ITIH5: variants seen among roughly 807,000 people sequenced by gnomAD.
ITIH5 encodes inter-alpha-trypsin inhibitor heavy chain H5.
ITIH5 carries 65 observed loss-of-function variants against 77.5 expected under a neutral mutation model. That is an observed-to-expected ratio of 0.84 (90% CI 0.69 to 1.03). The LOEUF (loss-of-function observed/expected upper bound fraction) is 1.03, where lower values mean the gene tolerates loss of function less well. Ranked by LOEUF, ITIH5 falls within the 50% of genes least tolerant of loss-of-function variation. ITIH5 has a pLI of 0.00. For missense variants in ITIH5, 1,208 were observed against 1,213.1 expected, an observed-to-expected ratio of 1.00 and a Z score of 0.06; for synonymous variants, 525 against 494.3, an observed-to-expected ratio of 1.06 and a Z score of -0.82.
chr10:7,592,869 A>G (rs1436310487), intron 7 of ITIH5, among the ~76,000 whole-genome samples: 1 of 152,136 alleles, frequency 6.6e-6, no homozygotes, highest in Non-Finnish European at 1.5e-5. Context: ...GGACAGCAGC[A>G]TGCAGTGGCG....
chr10:7,601,604 A>G (rs1442660955), intron 7 of ITIH5, among the ~76,000 whole-genome samples: 2 of 152,154 alleles, frequency 1.3e-5, no homozygotes, highest in East Asian at 3.9e-4. Context: ...CATATCGCCA[A>G]CCTCTGCATG....
At chr10:7,565,287 A>G (rs947475254) in intron 13 of ITIH5, among the ~76,000 whole-genome samples, 1 of 136,878 alleles carries the variant, frequency 7.3e-6, no homozygotes, top group Non-Finnish European at 1.6e-5. Context: ...ATATACACAC[A>G]CCATACATAC....
intron 2 of ITIH5, among the ~76,000 whole-genome samples, chr10:7,650,309 T>G (rs572961063): frequency 6.6e-6 from 1 of 152,386 alleles, no homozygotes; most frequent in South Asian, 2.1e-4. Flanking sequence ...GAAGTCATTA[T>G]GGAGGTGGGA....
intron 1 of ITIH5, among the ~76,000 whole-genome samples, chr10:7,665,692 C>T (rs1312891902): frequency 2.0e-5 from 3 of 152,206 alleles, no homozygotes. Context: ...GAGCCGCATT[C>T]CCTGCCCTGA....
At position 7,563,231 on chromosome 10, in the gene ITIH5, T is replaced by G. The variant is rs750304119; in HGVS notation, c.2681A>C (p.Lys894Thr). ...TATCTGCTCTTCCCCGTTGTAAATCTTCCTTTGCTTCCAGACCACTGGGAC... is the reference window on the plus strand; with the variant it reads ...TATCTGCTCTTCCCCGTTGTAAATCGTCCTTTGCTTCCAGACCACTGGGAC... ...HQVPVVWKQR[K>T]IYNGEEQIDC... Residue 894 changes from lysine to threonine, a missense_variant, in exon 14 of 14, where the codon AAG becomes ACG. Lys to Thr is a moderately conservative substitution (Grantham distance 78). Transcript: ENST00000397146. The G allele has an allele frequency of 1.7e-5, 27 of 1,614,238 alleles. No individual in the cohort carries two copies. The highest frequency in any genetic ancestry group is 2.2e-5 in the Non-Finnish European group (26 of 1,180,040).
At chr10:7,564,551 G>C (rs1832101687) in intron 13 of ITIH5, among the ~76,000 whole-genome samples, 1 of 152,048 alleles carries the variant, frequency 6.6e-6, no homozygotes, top group African/African-American at 2.4e-5. Flanking sequence ...TGCTGTACAG[G>C]TTTGCAGCCC....
Position 7,562,954 on chromosome 10 carries a change from A to C in ITIH5, c.*129T>G, listed in dbSNP as rs550778981. ...CAGACAGACGTCGGATCTATGCTGC[A>C]CCAGGGGTGGGTCATGGAGTCCAGC... On this transcript the variant is annotated 3_prime_UTR_variant, in exon 14 of 14. Coordinates refer to ENST00000397146, the MANE Select transcript of ITIH5 (RefSeq NM_030569.7). 7.1e-5 allele frequency: 49 copies of C among 693,690 alleles called. No individual in the cohort carries two copies. In the East Asian group the frequency reaches 1.5e-3, roughly 21 times the overall value. 43.0% of individuals were successfully genotyped at this position (693,690 alleles called of 1,614,324 possible). A position where few individuals can be genotyped will look rare whatever the true frequency, so the allele number is the denominator to read the frequency against.
intron 5 of ITIH5, among the ~76,000 whole-genome samples, chr10:7,624,234 A>T (rs1833520125): frequency 6.6e-6 from 1 of 152,172 alleles, no homozygotes; most frequent in Non-Finnish European, 1.5e-5. Flanking sequence ...CAGGCCAGGC[A>T]CAGTGGCTCA....
intron 11 of ITIH5, among the ~76,000 whole-genome samples, chr10:7,570,979 A>G (rs1588360221): frequency 6.6e-6 from 1 of 152,292 alleles, no homozygotes; most frequent in Non-Finnish European, 1.5e-5. Flanking sequence ...GTCTGCATGC[A>G]CGCTGTGCAC....
chr10:7,569,394 T>G (rs2130944406), intron 12 of ITIH5: 1 of 337,918 alleles, frequency 3.0e-6, no homozygotes, highest in East Asian at 4.5e-5. Context: ...CCATTTTATA[T>G]TAGCTCTGTG....
chr10:7,596,840 G>A (rs1832908613), intron 7 of ITIH5, among the ~76,000 whole-genome samples: 1 of 151,822 alleles, frequency 6.6e-6, no homozygotes, highest in African/African-American at 2.4e-5. Context: ...CTGAGGTCAG[G>A]AGTTTGAGAC....
intron 1 of ITIH5, among the ~76,000 whole-genome samples, chr10:7,661,546 T>C (rs773776810): frequency 6.6e-6 from 1 of 152,226 alleles, no homozygotes; most frequent in Non-Finnish European, 1.5e-5. Context: ...GGTAATTCTA[T>C]ATCACTCACC....
At chr10:7,652,551 T>C (rs1012307740) in intron 2 of ITIH5, among the ~76,000 whole-genome samples, 1 of 152,132 alleles carries the variant, frequency 6.6e-6, no homozygotes. Flanking sequence ...TTTATGATAG[T>C]TGTAAAAGTA....
chr10:7,596,593 G>A lies in ITIH5; in HGVS notation c.940-10524C>T, dbSNP rs558949392. 2.0e-5 allele frequency among the ~76,000 whole-genome samples: 3 copies of A among 152,174 alleles called. No homozygotes were observed. The South Asian group carries it at 6.2e-4, about 32-fold the overall frequency. Reference sequence around the variant, plus strand: ...GGGAACTCAGCATTAGCCATTCCACGCCTCCTGCACAATGATCACGCTGTT... The same window carrying A: ...GGGAACTCAGCATTAGCCATTCCACACCTCCTGCACAATGATCACGCTGTT... On this transcript the variant is annotated intron_variant, in intron 7 of 13. Transcript: ENST00000397146.
intron 7 of ITIH5, among the ~76,000 whole-genome samples, chr10:7,590,600 G>C (rs1317031173): frequency 6.6e-6 from 1 of 152,146 alleles, no homozygotes; most frequent in East Asian, 1.9e-4. Flanking sequence ...CATGTCAATG[G>C]AGAAATGTTT....
In ITIH5 at chr10:7,579,948, G is replaced by T. The variant is rs371798698; in HGVS notation, c.1225C>A (p.Pro409Thr). Reference protein sequence around the residue: ...SLIVFLTDGKPTVGETHTLKI... With the variant: ...SLIVFLTDGKTTVGETHTLKI... ...AGGGTGTGCGTCTCCCCGACCGTGG[G>T]CTTCCCATCCGTCAGGAAGACGATG... is the stretch of plus-strand genomic sequence containing the variant. Residue 409 changes from proline to threonine, a missense_variant, in exon 9 of 14, where the codon CCC (proline) becomes ACC (threonine). By Grantham distance (38) the Pro-to-Thr change is conservative (BLOSUM62 -1). Transcript: ENST00000397146. 3.7e-6 allele frequency: 6 copies of T among 1,614,056 alleles called. No individual in the cohort carries two copies. In the African/African-American group the frequency reaches 5.3e-5, roughly 14 times the overall value.
chr10:7,629,073 G>A (rs1482110322), intron 5 of ITIH5, among the ~76,000 whole-genome samples: 6 of 142,076 alleles, frequency 4.2e-5, no homozygotes, highest in African/African-American at 1.5e-4. Context: ...GTGTGCCCAT[G>A]TTGTAGCGTG....
Position 7,579,796 on chromosome 10 carries a change from C to A in ITIH5, c.1377G>T (p.Arg459=). 1.9e-6 allele frequency: 3 copies of A among 1,614,166 alleles called. No individual in the cohort carries two copies. The highest frequency in any genetic ancestry group is 2.5e-6 in the Non-Finnish European group (3 of 1,180,046). Residue 459 remains arginine, a synonymous_variant, in exon 9 of 14, where the codon CGG becomes CGT. Transcript: ENST00000397146. ...KLSLENCGLT[R]RVHEEEDAGS... ...CTGCGTCCTCCTCCTCGTGCACGCG[C>A]CGTGTGAGGCCACAGTTCTCCAGCG...
At chr10:7,625,852 T>G (rs1013288095) in intron 5 of ITIH5, among the ~76,000 whole-genome samples, 12 of 152,262 alleles carry the variant, frequency 7.9e-5, no homozygotes, top group African/African-American at 2.4e-4. Context: ...TTTATCACAA[T>G]TTTTACAAGG....
Sources: allele counts gnomAD v4.1 joint callset (sites outside exome capture counted in the v4.1 genomes callset), GRCh38; gene constraint gnomAD v4.1.1; transcripts MANE v1.5; gene names NCBI Gene and HGNC (gene_info 2026-07-23, HGNC 2026-07-21).